MBD3L1: variants seen among roughly 807,000 people sequenced by gnomAD.
The protein encoded by MBD3L1 is methyl-CpG-binding domain protein 3-like 1.
For synonymous variants in MBD3L1, 84 were observed against 85.1 expected, an observed-to-expected ratio of 0.99 and a Z score of 0.07; for missense variants, 203 against 230.1, an observed-to-expected ratio of 0.88 and a Z score of 0.76.
At chr19:8,839,722 G>A (rs1164093609) in intron 1 of MBD3L1, among the ~76,000 whole-genome samples, 1 of 152,118 alleles carries the variant, frequency 6.6e-6, no homozygotes, top group Non-Finnish European at 1.5e-5. Context: ...GTTGCTGGAG[G>A]TGAGGAGATA....
At chr19:8,837,378 A>G (rs1402450429) in intron 1 of MBD3L1, among the ~76,000 whole-genome samples, 2 of 152,308 alleles carry the variant, frequency 1.3e-5, no homozygotes, top group African/African-American at 4.8e-5. Context: ...TAAAACAACA[A>G]TGTCAATGTA....
intron 1 of MBD3L1, among the ~76,000 whole-genome samples, chr19:8,837,924 G>A (rs1240021471): frequency 6.6e-6 from 1 of 151,962 alleles, no homozygotes; most frequent in African/African-American, 2.4e-5. Context: ...TTATACACAG[G>A]AGACAGCAAG....
chr19:8,836,331 TTCTTC>T (rs1389324967), intron 1 of MBD3L1, among the ~76,000 whole-genome samples: 2 of 150,352 alleles, frequency 1.3e-5, no homozygotes, highest in African/African-American at 4.9e-5. Flanking sequence ...AAAATGTGAG[TTCTTC>T]TCTTCTTCCT....
chr19:8,833,473 A>G (rs910602516), intron 1 of MBD3L1: 4 of 152,216 alleles, frequency 2.6e-5, no homozygotes, highest in Non-Finnish European at 5.9e-5. Flanking sequence ...TAGTGTGGAC[A>G]TGTATGTGTG....
At position 8,843,207 on chromosome 19, in the gene MBD3L1, C is replaced by G; in HGVS notation, c.529C>G (p.Leu177Val). The stretch of plus-strand genomic sequence containing the variant: ...CGCAATAGCACTGATTGCGGATGGA[C>G]TCGCTAATGAGGCAGAGAAAGTGAG... ...RLAIALIADG[L>V]ANEAEKVRDQ... Residue 177 changes from leucine (L) to valine (V), a missense_variant, in exon 3 of 3, where the codon CTC becomes GTC. Physicochemically the swap from Leu to Val is conservative, Grantham distance 32 (BLOSUM62 1). Coordinates refer to ENST00000595891, the MANE Select transcript of MBD3L1 (RefSeq NM_001393532.1). 1 of 1,611,410 alleles carries G rather than the reference C, an allele frequency of 6.2e-7. No individual in the cohort carries two copies. The highest frequency in any genetic ancestry group is 1.1e-5 in the South Asian group (1 of 90,458).
rs1599314487 is a variant in MBD3L1 at position 8,843,294 on chromosome 19, A to G, written c.*31A>G. ...AAAGGGAAGATAGTGCAGATGAAAT[A>G]AAGTGTAATCCTTTATTAACATCTC... On this transcript the variant is annotated 3_prime_UTR_variant, in exon 3 of 3. Transcript: ENST00000595891. 3 of 1,467,298 alleles carry G rather than the reference A, an allele frequency of 2.0e-6. No individual in the cohort carries two copies. Among genetic ancestry groups the G allele is most frequent in the East Asian group, 4.6e-5 (2 of 43,694 alleles). 90.9% of individuals were successfully genotyped at this position (1,467,298 alleles called of 1,614,324 possible). A position where few individuals can be genotyped will look rare whatever the true frequency, so the allele number is the denominator to read the frequency against.
intron 1 of MBD3L1, among the ~76,000 whole-genome samples, chr19:8,838,260 A>AAAAAAAAAAAAAAC (rs2044475617): frequency 7.4e-6 from 1 of 134,950 alleles, no homozygotes; most frequent in African/African-American, 2.8e-5. Flanking sequence ...CTCAAAAAAA[A>AAAAAAAAAAAAAAC]AAAAAAAAAA....
chr19:8,840,203 A>G (rs2044498292), intron 1 of MBD3L1, among the ~76,000 whole-genome samples: 1 of 152,012 alleles, frequency 6.6e-6, no homozygotes, highest in Admixed American at 6.5e-5. Context: ...AAAAAAACAA[A>G]AACAGATGAT....
At chr19:8,840,864 G>T (rs1044670991) in intron 1 of MBD3L1, 51 bp from the exon 2 acceptor site, 4 of 152,058 alleles carry the variant, frequency 2.6e-5, no homozygotes, top group Non-Finnish European at 5.9e-5. Flanking sequence ...AGAATATTTT[G>T]TATTTATAGT....
intron 1 of MBD3L1, among the ~76,000 whole-genome samples, chr19:8,836,204 T>C (rs1417592820): frequency 3.3e-5 from 5 of 152,136 alleles, no homozygotes; most frequent in Non-Finnish European, 7.4e-5. Flanking sequence ...ATTATACACA[T>C]AAATTCTTCA....
In MBD3L1 at chr19:8,842,757, C is replaced by T. The variant is rs771170768; in HGVS notation, c.79C>T (p.Pro27Ser). ...KSKPGLSTSI[P>S]LRMSSYTFKR... ...AAAGCCTGGCTTGAGCACCTCAATC[C>T]CTTTGAGAATGTCCAGTTACACATT... The change falls in exon 3 of 3, where the codon CCT becomes TCT. Residue 27 changes from proline (P) to serine (S), a missense_variant. Pro to Ser is a moderately conservative substitution (Grantham distance 74). Coordinates refer to ENST00000595891, the MANE Select transcript of MBD3L1 (RefSeq NM_001393532.1). 3.1e-6 allele frequency: 5 copies of T among 1,614,162 alleles called. No homozygotes were observed. The highest frequency in any genetic ancestry group is 4.2e-6 in the Non-Finnish European group (5 of 1,180,038).
In MBD3L1 at chr19:8,843,061, C is replaced by T. The variant is rs773797616; in HGVS notation, c.383C>T (p.Ala128Val). ...PMPHLACSSD[A>V]VEIIPAEGVG... Reference sequence around the variant, plus strand: ...CCCCACCTTGCCTGCTCTTCAGATGCGGTGGAGATAATTCCTGCAGAGGGA... The same window carrying T: ...CCCCACCTTGCCTGCTCTTCAGATGTGGTGGAGATAATTCCTGCAGAGGGA... The change falls in exon 3 of 3, where the codon GCG (alanine) becomes GTG (valine). Residue 128 changes from alanine to valine, a missense_variant. Transcript: ENST00000595891. 8.7e-6 allele frequency: 14 copies of T among 1,613,870 alleles called. No homozygotes were observed. Among genetic ancestry groups the T allele is most frequent in the Admixed American group, 1.7e-5 (1 of 59,992 alleles).
At chr19:8,840,605 G>A (rs1206068266) in intron 1 of MBD3L1, among the ~76,000 whole-genome samples, 1 of 152,120 alleles carries the variant, frequency 6.6e-6, no homozygotes, top group African/African-American at 2.4e-5. Context: ...ATGCCTGGCA[G>A]GAAATCTCTT....
At chr19:8,838,598 C>T (rs914695691) in intron 1 of MBD3L1, among the ~76,000 whole-genome samples, 7 of 152,154 alleles carry the variant, frequency 4.6e-5, no homozygotes, top group Non-Finnish European at 7.3e-5. Flanking sequence ...TTTTAACCTG[C>T]GATGGCCAAC....
At chr19:8,842,215 A>G (rs1014565123) in intron 2 of MBD3L1, among the ~76,000 whole-genome samples, 1 of 151,466 alleles carries the variant, frequency 6.6e-6, no homozygotes, top group African/African-American at 2.4e-5. Context: ...AGTCCCAGCT[A>G]CGCGGGAGGT....
At chr19:8,840,884 A>G (rs1177640286) in intron 1 of MBD3L1, 31 bp from the exon 2 acceptor site, 4 of 152,120 alleles carry the variant, frequency 2.6e-5, no homozygotes, top group African/African-American at 9.7e-5. Flanking sequence ...TGGCACTAAG[A>G]CGTCATGTCA....
chr19:8,834,161 A>T (rs2044426515), intron 1 of MBD3L1, among the ~76,000 whole-genome samples: 1 of 152,304 alleles, frequency 6.6e-6, no homozygotes, highest in South Asian at 2.1e-4. Context: ...AAATAGTTAG[A>T]TCTCTGCTTC....
At chr19:8,833,695 C>T (rs1276673550) in intron 1 of MBD3L1, among the ~76,000 whole-genome samples, 1 of 152,106 alleles carries the variant, frequency 6.6e-6, no homozygotes, top group Non-Finnish European at 1.5e-5. Context: ...GCGTTAGATA[C>T]CACTAAGTGC....
intron 1 of MBD3L1, among the ~76,000 whole-genome samples, chr19:8,839,273 C>A (rs1038719138): frequency 6.6e-6 from 1 of 151,350 alleles, no homozygotes; most frequent in Admixed American, 6.6e-5. Flanking sequence ...CAAGCTCCGC[C>A]TCCCAGGTTC....
Sources: allele counts gnomAD v4.1 joint callset (sites outside exome capture counted in the v4.1 genomes callset), GRCh38; gene constraint gnomAD v4.1.1; transcripts MANE v1.5; gene names NCBI Gene and HGNC (gene_info 2026-07-23, HGNC 2026-07-21).